The following SDCCAG8 variants were observed in gnomAD, a reference collection of about 807,000 sequenced individuals.
The protein encoded by SDCCAG8 is SHH signaling and ciliogenesis regulator SDCCAG8.
In SDCCAG8, 74 loss-of-function variants were observed where a neutral mutation model predicts 101.8. That is an observed-to-expected ratio of 0.73 (90% confidence interval 0.60 to 0.88). SDCCAG8 has a LOEUF of 0.88. Among genes scored for constraint, SDCCAG8 ranks in the 40% least tolerant of loss-of-function variants. The pLI is 0.00. For synonymous variants in SDCCAG8, 281 were observed against 292.9 expected (o/e 0.96, Z 0.41); for missense variants, 787 against 822.6 (o/e 0.96, Z 0.53).
At chr1:243,358,115 A>C (rs566502217) in intron 12 of SDCCAG8, among the ~76,000 whole-genome samples, 2 of 152,256 alleles carry the variant, frequency 1.3e-5, no homozygotes, top group Admixed American at 6.5e-5. Flanking sequence ...AAAATTAAAA[A>C]CTTTTGACCT....
intron 13 of SDCCAG8, among the ~76,000 whole-genome samples, chr1:243,380,345 T>G (rs1466767733): frequency 6.6e-6 from 1 of 152,232 alleles, no homozygotes; most frequent in Non-Finnish European, 1.5e-5. Context: ...AGTTTTTCTT[T>G]TCTGTCAGAC....
chr1:243,283,740 T>G (rs1558231802), intron 4 of SDCCAG8, among the ~76,000 whole-genome samples: 1 of 152,012 alleles, frequency 6.6e-6, no homozygotes, highest in East Asian at 1.9e-4. Flanking sequence ...CATAATTATT[T>G]TATTTATTTA....
intron 13 of SDCCAG8, among the ~76,000 whole-genome samples, chr1:243,387,160 A>G (rs2078358207): frequency 1.3e-5 from 2 of 152,178 alleles, no homozygotes; most frequent in South Asian, 4.1e-4. Context: ...AATTTACGAT[A>G]TGGCTGAATA....
At chr1:243,338,372 G>A (rs1038339506) in intron 10 of SDCCAG8, among the ~76,000 whole-genome samples, 2 of 151,616 alleles carry the variant, frequency 1.3e-5, no homozygotes, top group Non-Finnish European at 2.9e-5. Flanking sequence ...CTTGTGAAAC[G>A]TATAGATTTT....
chr1:243,421,369 A>C (rs560806194), intron 15 of SDCCAG8, among the ~76,000 whole-genome samples: 1 of 152,292 alleles, frequency 6.6e-6, no homozygotes, highest in South Asian at 2.1e-4. Flanking sequence ...GCGTGCACGT[A>C]CGCCCTTACT....
intron 6 of SDCCAG8, among the ~76,000 whole-genome samples, chr1:243,294,482 G>GGAGAGAGAGAGAGAGAAA (rs1558248017): frequency 1.0e-5 from 1 of 99,952 alleles, no homozygotes; most frequent in Non-Finnish European, 2.0e-5. Context: ...GTGGGGGGGG[G>GGAGAGAGAGAGAGAGAAA]GAGAGAGAGA....
intron 6 of SDCCAG8, among the ~76,000 whole-genome samples, chr1:243,295,533 G>C (rs541284620): frequency 6.6e-6 from 1 of 152,278 alleles, no homozygotes; most frequent in African/African-American, 2.4e-5. Flanking sequence ...ACTGTACTCG[G>C]CCTCACTCTT....
At chr1:243,401,589 A>T (rs1375367348) in intron 13 of SDCCAG8, among the ~76,000 whole-genome samples, 1 of 152,248 alleles carries the variant, frequency 6.6e-6, no homozygotes, top group Non-Finnish European at 1.5e-5. Flanking sequence ...ATTAGGAAGG[A>T]GTCTGTGACC....
chr1:243,476,450 C>A, intron 16 of SDCCAG8: 1 of 766,162 alleles, frequency 1.3e-6, no homozygotes, highest in Non-Finnish European at 1.6e-6. Context: ...TTTGACTATC[C>A]CAAGAATGGT....
intron 16 of SDCCAG8, among the ~76,000 whole-genome samples, chr1:243,469,937 T>C (rs1316327162): frequency 6.6e-6 from 1 of 151,184 alleles, no homozygotes; most frequent in Non-Finnish European, 1.5e-5. Context: ...AAAGGGGTAC[T>C]TCAGATAACA....
At chr1:243,378,343 A>G (rs1179678874) in intron 12 of SDCCAG8, among the ~76,000 whole-genome samples, 1 of 152,126 alleles carries the variant, frequency 6.6e-6, no homozygotes, top group Non-Finnish European at 1.5e-5. Context: ...AAAAGTACAT[A>G]CTTGATGTAA....
chr1:243,327,646 A>G (rs1375055102), intron 9 of SDCCAG8, among the ~76,000 whole-genome samples: 1 of 152,070 alleles, frequency 6.6e-6, no homozygotes, highest in Non-Finnish European at 1.5e-5. Context: ...TACTCAATCG[A>G]CAGGGATTCT....
At chr1:243,383,564 G>A (rs1472652799) in intron 13 of SDCCAG8, among the ~76,000 whole-genome samples, 2 of 152,164 alleles carry the variant, frequency 1.3e-5, no homozygotes, top group Non-Finnish European at 2.9e-5. Flanking sequence ...TCATTGAAAT[G>A]ACCTTCAGAC....
intron 1 of SDCCAG8, among the ~76,000 whole-genome samples, chr1:243,263,967 T>C (rs140209331): frequency 1.3e-5 from 2 of 152,312 alleles, no homozygotes; most frequent in East Asian, 1.9e-4. Context: ...GTATTTCTTA[T>C]CTCACTGTGG....
chr1:243,473,319 T>C (rs1303001479), intron 16 of SDCCAG8, among the ~76,000 whole-genome samples: 1 of 152,240 alleles, frequency 6.6e-6, no homozygotes, highest in African/African-American at 2.4e-5. Context: ...TTTATCAACA[T>C]ATTTTCTCTC....
intron 11 of SDCCAG8, 48 bp from the exon 12 acceptor site, chr1:243,344,167 C>T: frequency 6.8e-7 from 1 of 1,471,242 alleles, no homozygotes; most frequent in Non-Finnish European, 9.5e-7. Flanking sequence ...GCAGGCATTG[C>T]CTGGTAGATT....
intron 6 of SDCCAG8, among the ~76,000 whole-genome samples, chr1:243,297,479 A>G (rs1050244585): frequency 6.6e-6 from 1 of 152,002 alleles, no homozygotes; most frequent in Admixed American, 6.5e-5. Context: ...TCTGTGTTCA[A>G]CTTGAGTAGG....
At chr1:243,395,481 G>C (rs929391357) in intron 13 of SDCCAG8, among the ~76,000 whole-genome samples, 4 of 152,098 alleles carry the variant, frequency 2.6e-5, no homozygotes, top group African/African-American at 9.7e-5. Context: ...TATTTAGAAA[G>C]GATGTTTTAG....
intron 12 of SDCCAG8, among the ~76,000 whole-genome samples, chr1:243,348,202 A>ATTTTTTTTTTTTTT (rs74162279): frequency 7.6e-6 from 1 of 131,650 alleles, no homozygotes; most frequent in African/African-American, 3.0e-5. Context: ...CGCCCGGCTA[A>ATTTTTTTTTTTTTT]TTTTTTTTTT....
Sources: allele counts gnomAD v4.1 joint callset (sites outside exome capture counted in the v4.1 genomes callset), GRCh38; gene constraint gnomAD v4.1.1; transcripts MANE v1.5; gene names NCBI Gene and HGNC (gene_info 2026-07-23, HGNC 2026-07-21).